The following SYNJ1 variants were observed in gnomAD, a reference collection of about 807,000 sequenced individuals.
The protein encoded by SYNJ1 is synaptojanin 1.
A neutral mutation model predicts 168.2 loss-of-function variants in SYNJ1; 78 were observed. The ratio of observed to expected loss-of-function variants is 0.46; its 90% CI spans 0.39 to 0.56. The LOEUF (loss-of-function observed/expected upper bound fraction) is 0.56, where lower values mean the gene tolerates loss of function less well. Ranked by LOEUF, SYNJ1 falls within the 20% of genes least tolerant of loss-of-function variation. SYNJ1 has a pLI of 0.00. For missense variants in SYNJ1, 1,303 were observed against 1,597.6 expected (o/e 0.82, Z 3.14); for synonymous variants, 539 against 548.6 (o/e 0.98, Z 0.24).
At chr21:32,687,746 A>G (rs1418219583) in intron 7 of SYNJ1, among the ~76,000 whole-genome samples, 1 of 152,192 alleles carries the variant, frequency 6.6e-6, no homozygotes, top group Non-Finnish European at 1.5e-5. Flanking sequence ...AAGTCCACTT[A>G]TATATGGATT....
At chr21:32,645,876 C>G (rs1243439614) in intron 24 of SYNJ1, 87 bp from the exon 25 acceptor site, 2 of 1,500,078 alleles carry the variant, frequency 1.3e-6, no homozygotes, top group East Asian at 2.4e-5. Context: ...GTGTAATGTT[C>G]TATAAAATGT....
At chr21:32,667,885 C>CGT (rs1410206848) in intron 15 of SYNJ1, among the ~76,000 whole-genome samples, 1 of 151,866 alleles carries the variant, frequency 6.6e-6, no homozygotes, top group Non-Finnish European at 1.5e-5. Context: ...CACTAGAATA[C>CGT]GAAGTCCATG....
intron 18 of SYNJ1, 65 bp downstream of exon 18, chr21:32,664,848 A>G: frequency 2.1e-6 from 3 of 1,406,780 alleles, no homozygotes; most frequent in Non-Finnish European, 2.9e-6. Context: ...AAACATCTTG[A>G]TTTAAAAAGG....
At chr21:32,727,127 A>AT (rs2043492873) in intron 1 of SYNJ1, among the ~76,000 whole-genome samples, 1 of 152,224 alleles carries the variant, frequency 6.6e-6, no homozygotes, top group South Asian at 2.1e-4. Flanking sequence ...ATCAATTCTC[A>AT]TACCAAGGCA....
chr21:32,659,527 T>G (rs2040594035), intron 18 of SYNJ1, among the ~76,000 whole-genome samples: 2 of 152,300 alleles, frequency 1.3e-5, no homozygotes, highest in South Asian at 4.1e-4. Context: ...ACCTAACTGT[T>G]TGTGTTACCT....
chr21:32,650,156 A>C, intron 23 of SYNJ1, 28 bp downstream of exon 23: 1 of 1,570,998 alleles, frequency 6.4e-7, no homozygotes, highest in South Asian at 1.2e-5. Context: ...CTAGAACTAC[A>C]AGAAGTAAAT....
intron 26 of SYNJ1, among the ~76,000 whole-genome samples, chr21:32,643,808 A>T (rs2039951874): frequency 6.6e-6 from 1 of 152,236 alleles, no homozygotes; most frequent in Admixed American, 6.5e-5. Context: ...GATATTTGAT[A>T]GTCAAAAGGA....
chr21:32,704,826 A>T (rs564382838), intron 2 of SYNJ1, among the ~76,000 whole-genome samples: 1 of 152,302 alleles, frequency 6.6e-6, no homozygotes, highest in East Asian at 1.9e-4. Context: ...ATGCAAACAG[A>T]GAAACTAGAA....
chr21:32,665,795 G>A (rs2040904404), intron 17 of SYNJ1, 148 bp downstream of exon 17: 1 of 869,900 alleles, frequency 1.1e-6, no homozygotes, highest in Non-Finnish European at 1.7e-6. Flanking sequence ...GATATTTTGG[G>A]TTAATACTCA....
intron 6 of SYNJ1, among the ~76,000 whole-genome samples, chr21:32,692,218 C>T (rs578109948): frequency 6.6e-6 from 1 of 152,244 alleles, no homozygotes; most frequent in South Asian, 2.1e-4. Flanking sequence ...TGCTTCATAG[C>T]CATTAGAGTA....
At chr21:32,685,706 T>C (rs1348614390) in intron 9 of SYNJ1, 42 bp downstream of exon 9, 1 of 1,413,904 alleles carries the variant, frequency 7.1e-7, no homozygotes, top group Non-Finnish European at 9.3e-7. Context: ...AATTTTTAAT[T>C]AATGTTCCAA....
intron 2 of SYNJ1, among the ~76,000 whole-genome samples, chr21:32,719,748 T>G (rs1242337345): frequency 6.6e-6 from 1 of 151,236 alleles, no homozygotes; most frequent in African/African-American, 2.4e-5. Flanking sequence ...AGAAAAGCTA[T>G]TTAGTGCTCA....
chr21:32,643,600 AT>A, intron 26 of SYNJ1, 143 bp from the exon 27 acceptor site: 6 of 804,198 alleles, frequency 7.5e-6, no homozygotes, highest in Non-Finnish European at 1.2e-5. Flanking sequence ...AAAGATATCA[AT>A]ACAAACCAAA....
chr21:32,686,876 T>A, intron 8 of SYNJ1, 102 bp downstream of exon 8: 1 of 799,424 alleles, frequency 1.3e-6, no homozygotes, highest in East Asian at 3.3e-5. Flanking sequence ...TTCTTGGAAG[T>A]AATTTACTTC....
chr21:32,646,891 T>C lies in SYNJ1; in HGVS notation c.3038-289A>G, dbSNP rs74845933. The stretch of plus-strand genomic sequence containing the variant: ...TTTCAATATGCCCCAGAGCAGCTTC[T>C]CCAGTGCAAGCCAACTCAAGTTTCC... On this transcript the variant is annotated intron_variant, in intron 23 of 32. Transcript: ENST00000674351. 0.016 allele frequency among the ~76,000 whole-genome samples: 2,379 copies of C among 152,228 alleles called. 32 individuals carry two copies. Among genetic ancestry groups the C allele is most frequent in the Middle Eastern group, 0.037 (11 of 294 alleles).
chr21:32,693,352 C>T (rs1356293993), intron 6 of SYNJ1, among the ~76,000 whole-genome samples: 2 of 152,136 alleles, frequency 1.3e-5, no homozygotes, highest in Non-Finnish European at 2.9e-5. Flanking sequence ...ATCGTCTTGA[C>T]AAGAATTCAA....
intron 3 of SYNJ1, 45 bp downstream of exon 3, chr21:32,701,916 A>G: frequency 7.0e-7 from 1 of 1,421,226 alleles, no homozygotes; most frequent in Non-Finnish European, 9.5e-7. Flanking sequence ...GAATTACAAA[A>G]TAGAAATGAA....
chr21:32,725,942 T>G (rs1227825617), intron 2 of SYNJ1, among the ~76,000 whole-genome samples: 1 of 152,116 alleles, frequency 6.6e-6, no homozygotes, highest in African/African-American at 2.4e-5. Context: ...CCAGACTCAA[T>G]CAATCCGCCC....
At chr21:32,640,065 T>A (rs1241113645) in intron 29 of SYNJ1, among the ~76,000 whole-genome samples, 3 of 152,220 alleles carry the variant, frequency 2.0e-5, no homozygotes, top group Non-Finnish European at 2.9e-5. Flanking sequence ...TATTTTATCA[T>A]CTCTATTTTA....
Sources: gnomAD v4.1 joint callset for allele counts (sites outside exome capture counted in the v4.1 genomes callset) on GRCh38, gnomAD v4.1.1 for gene constraint, MANE v1.5 for transcripts, NCBI Gene and HGNC (gene_info 2026-07-23, HGNC 2026-07-21) for gene names.